The following SEMA3B variants were observed in gnomAD, a reference collection of about 807,000 sequenced individuals.
SEMA3B encodes the protein semaphorin-3B.
SEMA3B carries 71 observed loss-of-function variants against 77.8 expected under a neutral mutation model. That is an observed-to-expected ratio of 0.91 (90% CI 0.75 to 1.11). The LOEUF (loss-of-function observed/expected upper bound fraction) is 1.11, where lower values mean the gene tolerates loss of function less well. Among genes scored for constraint, SEMA3B ranks in the 50% most tolerant of loss-of-function variants. SEMA3B has a pLI of 0.00. For missense variants in SEMA3B, 968 were observed against 1,056.8 expected (o/e 0.92, Z 1.17); for synonymous variants, 470 against 452.9 (o/e 1.04, Z -0.48).
Position 50,276,977 on chromosome 3 carries a change from C to T in SEMA3B, c.*271C>T, listed in dbSNP as rs1480896028. 1.7e-5 allele frequency: 7 copies of T among 418,012 alleles called. No individual in the cohort carries two copies. Among genetic ancestry groups the T allele is most frequent in the East Asian group, 7.9e-5 (2 of 25,194 alleles). The allele number at this position is 418,012 out of a possible 1,614,324, so 25.9% of individuals were successfully genotyped here. ...ACGGGGAAGCCGAGCTCCAGAGCAACGACCAGGGCCGAGGAGGTGCCTGGA... is the reference window on the plus strand; with the variant it reads ...ACGGGGAAGCCGAGCTCCAGAGCAATGACCAGGGCCGAGGAGGTGCCTGGA... On this transcript the variant is annotated 3_prime_UTR_variant, in exon 17 of 17. Transcript: ENST00000616701. The surrounding 1 kb of genome is among the most constrained non-coding windows in gnomAD (Gnocchi z 5.8).
At chr3:50,264,803 T>TC (rs1407825676), upstream of SEMA3B, among the ~76,000 whole-genome samples, 1 of 152,064 alleles carries the variant, frequency 6.6e-6, no homozygotes, top group African/African-American at 2.4e-5. Flanking sequence ...CTCCCACTCC[T>TC]CCCTGCTGGG....
Position 50,269,970 on chromosome 3 carries a change from G to A in SEMA3B, c.110-157G>A, listed in dbSNP as rs1376180721. ...CAGCTCCACACGTGCACCTGGGTGG[G>A]CTTGGGTTTGCGTGTGTAAACTCAC... On this transcript the variant is annotated intron_variant, in intron 1 of 16. Coordinates refer to ENST00000616701, the MANE Select transcript of SEMA3B (RefSeq NM_001290060.2). This position sits in a 1 kb window ranked among gnomAD's most constrained non-coding sequence, Gnocchi z 4.0. Among the ~76,000 whole-genome samples the A allele has an allele frequency of 6.6e-6, 1 of 152,178 alleles. No homozygotes were observed. Among genetic ancestry groups the A allele is most frequent in the Non-Finnish European group, 1.5e-5 (1 of 68,026 alleles).
rs1553704944 is a variant in SEMA3B at position 50,269,285 on chromosome 3, G to A, written c.45G>A (p.Leu15=). The change falls in exon 1 of 17, where the codon CTG becomes CTA. Residue 15 remains leucine, a synonymous_variant. Coordinates refer to ENST00000616701, the MANE Select transcript of SEMA3B (RefSeq NM_001290060.2). The surrounding 1 kb of genome is among the most constrained non-coding windows in gnomAD (Gnocchi z 4.0). ...GAAAVIPGLA[L]LWAVGLGSAA... ...CCGCCGTGATCCCGGGCCTGGCCCT[G>A]CTCTGGGCAGTGGGGCTGGGGAGTG... 6.5e-7 allele frequency: 1 copy of A among 1,538,838 alleles called. No individual in the cohort carries two copies. The highest frequency in any genetic ancestry group is 1.2e-5 in the South Asian group (1 of 83,952).
rs782627277 is a variant in SEMA3B, at chr3:50,274,797, G to C, written c.1358-46G>C. 1 of 1,590,808 alleles carries C rather than the reference G, an allele frequency of 6.3e-7. No homozygotes were observed. Among genetic ancestry groups the C allele is most frequent in the African/African-American group, 1.3e-5 (1 of 74,510 alleles). ...CAAAGGCGAGGAGACACTAGCCCCA[G>C]CTGTCCGGGAGCACCAATGGTCATT... On this transcript the variant is annotated intron_variant, in intron 11 of 16. Coordinates refer to ENST00000616701, the MANE Select transcript of SEMA3B (RefSeq NM_001290060.2). The surrounding 1 kb of genome is among the most constrained non-coding windows in gnomAD (Gnocchi z 4.7).
In SEMA3B at chr3:50,276,743, G is replaced by A. The variant is rs781984818; in HGVS notation, c.*37G>A. On this transcript the variant is annotated 3_prime_UTR_variant, in exon 17 of 17. Transcript: ENST00000616701. The surrounding 1 kb of genome is among the most constrained non-coding windows in gnomAD (Gnocchi z 5.8). ...CCACGCCGGGAACCAAGCAGGAGAC[G>A]ACAGGCGAGAGAGGAGCCAGACAGA... is the stretch of plus-strand genomic sequence containing the variant. 16 of 1,449,850 alleles carry A rather than the reference G, an allele frequency of 1.1e-5. No homozygotes were observed. The East Asian group carries it at 3.1e-4, about 28-fold the overall frequency. 89.8% of individuals were successfully genotyped at this position (1,449,850 alleles called of 1,614,324 possible). A position where few individuals can be genotyped will look rare whatever the true frequency, so the allele number is the denominator to read the frequency against.
chr3:50,274,975 A>G lies in SEMA3B; in HGVS notation c.1450-37A>G, dbSNP rs1461194579. 1 of 1,282,584 alleles carries G rather than the reference A, an allele frequency of 7.8e-7. No homozygotes were observed. Among genetic ancestry groups the G allele is most frequent in the East Asian group, 3.1e-5 (1 of 32,770 alleles). 79.5% of individuals were successfully genotyped at this position (1,282,584 alleles called of 1,614,324 possible). On this transcript the variant is annotated intron_variant, in intron 12 of 16. Transcript: ENST00000616701. This position sits in a 1 kb window ranked among gnomAD's most constrained non-coding sequence, Gnocchi z 4.7. ...CAGTCGCCCGGGACCCCCCCACCCC[A>G]CTAAGCCCTGACCCCGTCGCCCCTC...
chr3:50,273,615 C>T lies in SEMA3B; in HGVS notation c.891C>T (p.Gly297=). The change falls in exon 8 of 17, where the codon GGC becomes GGT. Residue 297 remains glycine (G), a synonymous_variant. Coordinates refer to ENST00000616701, the MANE Select transcript of SEMA3B (RefSeq NM_001290060.2). The surrounding 1 kb of genome is among the most constrained non-coding windows in gnomAD (Gnocchi z 6.5). ...CGCGGCTGGTGTGCTCGGTGCCCGG[C>T]GTCGAGGGCGACACCCACTTCGATC... ...LKARLVCSVP[G]VEGDTHFDQL... 2.5e-6 allele frequency: 4 copies of T among 1,612,376 alleles called. No homozygotes were observed. Among genetic ancestry groups the T allele is most frequent in the Non-Finnish European group, 3.4e-6 (4 of 1,179,660 alleles).
Position 50,271,017 on chromosome 3 carries a change from C to T in SEMA3B, c.450+8C>T, listed in dbSNP as rs375383992. 77 of 1,595,490 alleles carry T rather than the reference C, an allele frequency of 4.8e-5. 1 individual carries two copies. Among genetic ancestry groups the T allele is most frequent in the Non-Finnish European group, 5.1e-5 (60 of 1,171,174 alleles). On this transcript the variant is annotated splice_region_variant and intron_variant, in intron 4 of 16. Coordinates refer to ENST00000616701, the MANE Select transcript of SEMA3B (RefSeq NM_001290060.2). ...GTGGGCCACCGGGCAGAGGTAAGGC[C>T]GGATCTAGGCAGGGAGGGAGGTCAG...
chr3:50,273,361 A>C lies in SEMA3B; in HGVS notation c.728A>C (p.Tyr243Ser). 3.1e-6 allele frequency: 5 copies of C among 1,613,916 alleles called. No homozygotes were observed. The highest frequency in any genetic ancestry group is 4.2e-6 in the Non-Finnish European group (5 of 1,179,858). ...GAGAACCCAGACGACGACAAAATCT[A>C]CTTCTTCTTTCGTGAGACGGCGGTA... ...ESENPDDDKIYFFFRETAVEA... is the reference protein window; with the variant it reads ...ESENPDDDKISFFFRETAVEA... The change falls in exon 7 of 17, where the codon TAC becomes TCC. Residue 243 changes from tyrosine to serine, a missense_variant. Coordinates refer to ENST00000616701, the MANE Select transcript of SEMA3B (RefSeq NM_001290060.2). This position sits in a 1 kb window ranked among gnomAD's most constrained non-coding sequence, Gnocchi z 6.5.
At chr3:50,271,305 G>GC in intron 5 of SEMA3B, 56 bp from the exon 6 acceptor site, 6 of 1,551,120 alleles carry the variant, frequency 3.9e-6, no homozygotes, top group Non-Finnish European at 5.2e-6. Flanking sequence ...AGCTCCCCAG[G>GC]CCCTCCTGCC....
chr3:50,276,598 T>G lies in SEMA3B; in HGVS notation c.2142T>G (p.Pro714=). Residue 714 remains proline, a synonymous_variant, in exon 17 of 17, where the codon CCT becomes CCG. Transcript: ENST00000616701. This position sits in a 1 kb window ranked among gnomAD's most constrained non-coding sequence, Gnocchi z 5.8. The part of the protein sequence containing the change: ...ANSLRMCRPQ[P]ALQSLPLESR... ...CCCTGCGCATGTGCCGCCCGCAGCC[T>G]GCGCTGCAGTCACTGCCCCTGGAGT... The G allele has an allele frequency of 1.3e-6, 2 of 1,577,458 alleles. No individual in the cohort carries two copies. Among genetic ancestry groups the G allele is most frequent in the Non-Finnish European group, 8.6e-7 (1 of 1,167,614 alleles).
upstream of SEMA3B, among the ~76,000 whole-genome samples, chr3:50,266,170 C>G (rs1553704477): frequency 6.6e-6 from 1 of 152,154 alleles, no homozygotes; most frequent in Admixed American, 6.5e-5. Flanking sequence ...ATGGGAGCCT[C>G]TGAGGCACTT....
chr3:50,270,854 T>C lies in SEMA3B; in HGVS notation c.331-36T>C, dbSNP rs903476818. The C allele has an allele frequency of 7.7e-6, 12 of 1,566,340 alleles. No homozygotes were observed. The highest frequency in any genetic ancestry group is 3.8e-5 in the Admixed American group (2 of 52,528). The stretch of plus-strand genomic sequence containing the variant: ...TGAGCTGGGACCTCTTAAGGCTACG[T>C]CCCTGGGGGAAGCCTCACACCTCCA... On this transcript the variant is annotated intron_variant, in intron 3 of 16. Transcript: ENST00000616701. The surrounding 1 kb of genome is among the most constrained non-coding windows in gnomAD (Gnocchi z 4.7).
upstream of SEMA3B, chr3:50,268,842 T>C (rs587651195): frequency 9.6e-5 from 20 of 208,874 alleles, no homozygotes; most frequent in South Asian, 1.1e-3. Flanking sequence ...TGTCTCCCAG[T>C]ATCCCTCCTC....
At position 50,276,918 on chromosome 3, in the gene SEMA3B, C is replaced by A; in HGVS notation, c.*212C>A. The A allele has an allele frequency of 1.8e-6, 1 of 548,810 alleles. No individual in the cohort carries two copies. The highest frequency in any genetic ancestry group is 3.0e-6 in the Non-Finnish European group (1 of 337,886). The allele number at this position is 548,810 out of a possible 1,614,324, so 34.0% of individuals were successfully genotyped here. Reference sequence around the variant, plus strand: ...ATGTAGCAGCCCCGGGAGGGCGGCACAGGTCGGGCGCAGGATTCAGCCGGA... The same window carrying A: ...ATGTAGCAGCCCCGGGAGGGCGGCAAAGGTCGGGCGCAGGATTCAGCCGGA... On this transcript the variant is annotated 3_prime_UTR_variant, in exon 17 of 17. Coordinates refer to ENST00000616701, the MANE Select transcript of SEMA3B (RefSeq NM_001290060.2). The surrounding 1 kb of genome is among the most constrained non-coding windows in gnomAD (Gnocchi z 5.8).
At chr3:50,264,788 CT>C (rs1346112400), upstream of SEMA3B, among the ~76,000 whole-genome samples, 6 of 152,240 alleles carry the variant, frequency 3.9e-5, no homozygotes, top group African/African-American at 1.4e-4. Flanking sequence ...CCCCAGCCCC[CT>C]CTCCTCCCAC....
intron 6 of SEMA3B, among the ~76,000 whole-genome samples, chr3:50,271,838 T>TGAGCATTCCAGGCAGAGG (rs587754701): frequency 6.6e-5 from 10 of 152,114 alleles, no homozygotes; most frequent in African/African-American, 2.2e-4. Context: ...AATTTAGGGA[T>TGAGCATTCCAGGCAGAGG]GAGCATTCCA....
chr3:50,265,476 G>C, upstream of SEMA3B, among the ~76,000 whole-genome samples: 1 of 152,338 alleles, frequency 6.6e-6, no homozygotes, highest in East Asian at 1.9e-4. Flanking sequence ...CAGGGGTGGG[G>C]AGGCAGGTGC....
chr3:50,269,233 C>A lies in SEMA3B; in HGVS notation c.-8C>A. ...CCCGCTGAACCCTGAGCACCCTGAG[C>A]TGCTGAGATGGGGCGGGCCGGGGCT... On this transcript the variant is annotated 5_prime_UTR_variant, in exon 1 of 17. It adds an upstream start codon to the 5' untranslated region. Transcript: ENST00000616701. This position sits in a 1 kb window ranked among gnomAD's most constrained non-coding sequence, Gnocchi z 4.0. 1 of 1,531,094 alleles carries A rather than the reference C, an allele frequency of 6.5e-7. No homozygotes were observed. The highest frequency in any genetic ancestry group is 8.8e-7 in the Non-Finnish European group (1 of 1,141,920). The allele number at this position is 1,531,094 out of a possible 1,614,324, so 94.8% of individuals were successfully genotyped here.
Sources: allele counts gnomAD v4.1 joint callset (sites outside exome capture counted in the v4.1 genomes callset), GRCh38; gene constraint gnomAD v4.1.1; non-coding constraint Gnocchi (gnomAD v3.1); transcripts MANE v1.5; gene names NCBI Gene and HGNC (gene_info 2026-07-23, HGNC 2026-07-21).